THADA: variants seen among roughly 807,000 people sequenced by gnomAD.
THADA encodes tRNA (32-2'-O)-methyltransferase regulator THADA.
Under a neutral mutation model 219.8 loss-of-function variants are expected in THADA, and 213 were observed. The observed-to-expected ratio is 0.97, with a 90% CI of 0.87 to 1.09. The LOEUF is 1.09. THADA is among the 50% of genes least tolerant of loss of function. The pLI is 0.00. For synonymous variants in THADA, 1,018 were observed against 828.9 expected, an observed-to-expected ratio of 1.23 and a Z score of -3.92; for missense variants, 2,956 against 2,311.3, an observed-to-expected ratio of 1.28 and a Z score of -5.72.
In THADA at chr2:43,287,047, T is replaced by A; in HGVS notation, c.5025A>T (p.Ile1675=). The change falls in exon 35 of 38, where the codon ATA becomes ATT. Residue 1675 remains isoleucine (I), a synonymous_variant. Coordinates refer to ENST00000405975, the MANE Select transcript of THADA (RefSeq NM_022065.5). ...MQTCVENREL[I]AAELKQWVQL... Reference sequence around the variant, plus strand: ...GAACCCACTGCTTCAGCTCAGCAGCTATCAATTCCCTGTTCTAAAAGCACA... The same window carrying A: ...GAACCCACTGCTTCAGCTCAGCAGCAATCAATTCCCTGTTCTAAAAGCACA... 1 of 1,613,098 alleles carries A rather than the reference T, an allele frequency of 6.2e-7. No homozygotes were observed. Among genetic ancestry groups the A allele is most frequent in the East Asian group, 2.2e-5 (1 of 44,846 alleles).
chr2:43,431,705 C>G (rs1329400912), intron 26 of THADA, among the ~76,000 whole-genome samples: 18 of 55,280 alleles, frequency 3.3e-4, no homozygotes, highest in African/African-American at 1.2e-3. Flanking sequence ...CGCTCTGTCG[C>G]CCAGGCTGGA....
intron 34 of THADA, among the ~76,000 whole-genome samples, chr2:43,289,263 A>C (rs1168411350): frequency 1.3e-5 from 2 of 152,172 alleles, no homozygotes; most frequent in Non-Finnish European, 2.9e-5. Context: ...CCGTTCTTTC[A>C]CTTTTTCTAG....
chr2:43,359,522 A>G (rs1669253452), intron 29 of THADA, among the ~76,000 whole-genome samples: 1 of 152,250 alleles, frequency 6.6e-6, no homozygotes, highest in South Asian at 2.1e-4. Context: ...TCTACTAAAA[A>G]TACAAAAATT....
chr2:43,384,199 G>A (rs1672367347), intron 29 of THADA, among the ~76,000 whole-genome samples: 1 of 152,180 alleles, frequency 6.6e-6, no homozygotes, highest in African/African-American at 2.4e-5. Flanking sequence ...AGGACAAGGG[G>A]AGAGTAACAA....
Position 43,572,882 on chromosome 2 carries a change from T to A in THADA, c.1840A>T (p.Thr614Ser). 1 of 1,613,986 alleles carries A rather than the reference T, an allele frequency of 6.2e-7. No homozygotes were observed. Among genetic ancestry groups the A allele is most frequent in the Non-Finnish European group, 8.5e-7 (1 of 1,179,866 alleles). ...GACACGAGGTTCTCCCAGGTATCAG[T>A]TGCAGACTGAAGATGTCCATGAGCT... Reference protein sequence around the residue: ...ARAHGHLQSATDTWENLVSDA... With the variant: ...ARAHGHLQSASDTWENLVSDA... Residue 614 changes from threonine to serine, a missense_variant, in exon 12 of 38, where the codon ACT (threonine) becomes TCT (serine). Coordinates refer to ENST00000405975, the MANE Select transcript of THADA (RefSeq NM_022065.5).
At chr2:43,530,597 C>G (rs949451669) in intron 21 of THADA, among the ~76,000 whole-genome samples, 8 of 152,138 alleles carry the variant, frequency 5.3e-5, no homozygotes, top group Non-Finnish European at 1.0e-4. Flanking sequence ...GTTTCTCTAA[C>G]TTCCTTAATT....
At chr2:43,415,969 G>C (rs1451286494) in intron 28 of THADA, among the ~76,000 whole-genome samples, 1 of 152,124 alleles carries the variant, frequency 6.6e-6, no homozygotes. Flanking sequence ...AGAAAAAAGG[G>C]TGGGGGGATA....
chr2:43,398,171 A>G (rs765206837), intron 28 of THADA, 32 bp from the exon 29 acceptor site: 1 of 1,604,356 alleles, frequency 6.2e-7, no homozygotes, highest in Non-Finnish European at 8.5e-7. Context: ...AGACCATTCA[A>G]TAGTCATCTC....
intron 24 of THADA, among the ~76,000 whole-genome samples, chr2:43,499,578 T>C (rs1688676805): frequency 1.3e-5 from 2 of 152,130 alleles, no homozygotes; most frequent in Non-Finnish European, 2.9e-5. Context: ...GGTTTCAACA[T>C]GTTGGCCAGG....
intron 31 of THADA, among the ~76,000 whole-genome samples, chr2:43,299,907 A>G (rs1449286588): frequency 6.6e-6 from 1 of 151,446 alleles, no homozygotes; most frequent in African/African-American, 2.4e-5. Context: ...GCATGCCTGT[A>G]ATCCCAGCTA....
chr2:43,404,084 C>T (rs1346451072), intron 28 of THADA, among the ~76,000 whole-genome samples: 1 of 152,240 alleles, frequency 6.6e-6, no homozygotes, highest in Admixed American at 6.5e-5. Context: ...TGCCTTTGCA[C>T]ATTTCAGTTC....
chr2:43,514,613 A>G (rs1336607655), intron 22 of THADA, among the ~76,000 whole-genome samples: 4 of 89,542 alleles, frequency 4.5e-5, no homozygotes, highest in Non-Finnish European at 6.1e-5. Flanking sequence ...TATATATTTT[A>G]TATATTTTAT....
chr2:43,592,458 C>G, intron 1 of THADA, 42 bp from the exon 2 acceptor site: 1 of 1,180,482 alleles, frequency 8.5e-7, no homozygotes, highest in Non-Finnish European at 1.2e-6. Flanking sequence ...TAAGGTTTCT[C>G]AACCTCAGCA....
intron 29 of THADA, among the ~76,000 whole-genome samples, chr2:43,352,514 C>T (rs1356945514): frequency 5.3e-5 from 8 of 151,372 alleles, no homozygotes; most frequent in Middle Eastern, 6.8e-3. Flanking sequence ...GCAGAGATCG[C>T]GCCACTGCAC....
intron 29 of THADA, among the ~76,000 whole-genome samples, chr2:43,346,281 C>T (rs1452379614): frequency 1.3e-5 from 2 of 152,100 alleles, no homozygotes; most frequent in African/African-American, 4.8e-5. Context: ...TATTTGAATA[C>T]ACAACTAACC....
intron 20 of THADA, among the ~76,000 whole-genome samples, chr2:43,546,327 TG>T (rs534844112): frequency 3.5e-4 from 53 of 152,274 alleles, no homozygotes; most frequent in African/African-American, 1.2e-3. Context: ...GGTGTGGTGC[TG>T]AAAAAAATGT....
intron 29 of THADA, among the ~76,000 whole-genome samples, chr2:43,380,108 A>T (rs1351830549): frequency 6.6e-6 from 1 of 152,204 alleles, no homozygotes; most frequent in East Asian, 1.9e-4. Context: ...TGGGTACTGG[A>T]TTCTACATAC....
intron 22 of THADA, among the ~76,000 whole-genome samples, chr2:43,511,343 C>A (rs1690417449): frequency 6.6e-6 from 1 of 152,178 alleles, no homozygotes; most frequent in Non-Finnish European, 1.5e-5. Flanking sequence ...TGGGCCTCCC[C>A]TGGGCCTCCC....
At chr2:43,550,826 G>A (rs565244539) in intron 19 of THADA, among the ~76,000 whole-genome samples, 51 of 152,144 alleles carry the variant, frequency 3.4e-4, no homozygotes, top group East Asian at 9.7e-4. Flanking sequence ...AATCTAAAGC[G>A]ACAAAATTTA....
Sources: gnomAD v4.1 joint callset for allele counts (sites outside exome capture counted in the v4.1 genomes callset) on GRCh38, gnomAD v4.1.1 for gene constraint, MANE v1.5 for transcripts, NCBI Gene and HGNC (gene_info 2026-07-23, HGNC 2026-07-21) for gene names.